The following METTL24 variants were observed in gnomAD, a reference collection of about 807,000 sequenced individuals.
The protein encoded by METTL24 is methyltransferase like 24.
Under a neutral mutation model 32.7 loss-of-function variants are expected in METTL24, and 29 were observed. The ratio of observed to expected loss-of-function variants is 0.89; its 90% CI spans 0.66 to 1.21. METTL24 has a LOEUF of 1.21. Among genes scored for constraint, METTL24 ranks in the 50% most tolerant of loss-of-function variants. The pLI is 0.00. For synonymous variants in METTL24, 163 were observed against 179.5 expected, an observed-to-expected ratio of 0.91 and a Z score of 0.73; for missense variants, 439 against 468.1, an observed-to-expected ratio of 0.94 and a Z score of 0.57.
chr6:110,321,441 C>T (rs1031973802), intron 2 of METTL24, among the ~76,000 whole-genome samples: 7 of 152,028 alleles, frequency 4.6e-5, no homozygotes, highest in Middle Eastern at 3.2e-3. Flanking sequence ...TTTATTTTGG[C>T]GAGTGAAGCC....
chr6:110,318,617 A>C (rs1771870753), intron 2 of METTL24, among the ~76,000 whole-genome samples: 1 of 147,570 alleles, frequency 6.8e-6, no homozygotes, highest in African/African-American at 2.5e-5. Context: ...GCGCCACTGC[A>C]CTTCAGCCTG....
intron 4 of METTL24, among the ~76,000 whole-genome samples, chr6:110,296,796 C>T (rs984412569): frequency 5.3e-5 from 8 of 152,122 alleles, no homozygotes; most frequent in Admixed American, 1.3e-4. Context: ...CATTTGTTAG[C>T]GTGTTTTTTA....
At chr6:110,350,759 C>CAATAA (rs1772580549) in intron 1 of METTL24, among the ~76,000 whole-genome samples, 1 of 66,950 alleles carries the variant, frequency 1.5e-5, no homozygotes, top group Non-Finnish European at 3.1e-5. Context: ...GACCCTGTCT[C>CAATAA]AACAAAATAA....
At chr6:110,336,454 T>G (rs538575261) in intron 1 of METTL24, among the ~76,000 whole-genome samples, 28 of 152,280 alleles carry the variant, frequency 1.8e-4, no homozygotes, top group African/African-American at 6.5e-4. Flanking sequence ...TAAAAGATGG[T>G]TATCAGCTGG....
intron 1 of METTL24, among the ~76,000 whole-genome samples, chr6:110,331,485 C>T (rs1772108826): frequency 6.6e-6 from 1 of 151,808 alleles, no homozygotes; most frequent in Non-Finnish European, 1.5e-5. Flanking sequence ...ATGGCGAGAC[C>T]CTGTCTCTAC....
intron 1 of METTL24, among the ~76,000 whole-genome samples, chr6:110,332,283 T>C (rs1048366212): frequency 1.8e-4 from 27 of 152,206 alleles, no homozygotes; most frequent in Admixed American, 1.8e-3. Flanking sequence ...TTGGAGTTTG[T>C]TCTTAAATTG....
chr6:110,289,175 C>T (rs1771276431), intron 4 of METTL24, among the ~76,000 whole-genome samples: 1 of 152,180 alleles, frequency 6.6e-6, no homozygotes. Context: ...AAACCAAAAA[C>T]CTTCTACTGA....
chr6:110,309,691 T>C (rs1771683305), intron 3 of METTL24, among the ~76,000 whole-genome samples: 1 of 152,146 alleles, frequency 6.6e-6, no homozygotes, highest in Admixed American at 6.6e-5. Flanking sequence ...TTATTCACTG[T>C]CACGAGAACA....
chr6:110,274,740 C>T (rs750783743), intron 4 of METTL24, among the ~76,000 whole-genome samples: 3 of 150,304 alleles, frequency 2.0e-5, no homozygotes, highest in Non-Finnish European at 3.0e-5. Flanking sequence ...GTAAAGGTCC[C>T]TCATGCCCAC....
chr6:110,297,929 TGAAGAG>T (rs1771449261), intron 4 of METTL24, among the ~76,000 whole-genome samples: 1 of 148,826 alleles, frequency 6.7e-6, no homozygotes, highest in Non-Finnish European at 1.5e-5. Flanking sequence ...GTTTAAAGGA[TGAAGAG>T]GAGGAGGAGG....
rs34193104 is a variant in METTL24, at chr6:110,274,772, C to CT, written c.786+24149dup. On this transcript the variant is annotated intron_variant, in intron 4 of 4. Coordinates refer to ENST00000338882, the MANE Select transcript of METTL24 (RefSeq NM_001123364.3). ...CCACCCACATTTTACATTTTGGTAGCTTTTTTTTTTTTTTTCCTTTTCGTT... is the reference window on the plus strand; with the variant it reads ...CCACCCACATTTTACATTTTGGTAGCTTTTTTTTTTTTTTTTCCTTTTCGTT... 9.9e-3 allele frequency among the ~76,000 whole-genome samples: 1,124 copies of CT among 113,458 alleles called. 7 individuals are homozygous for CT. Among genetic ancestry groups the CT allele is most frequent in the Middle Eastern group, 0.019 (4 of 216 alleles). 74.4% of individuals were successfully genotyped at this position (113,458 alleles called of 152,430 possible). A position where few individuals can be genotyped will look rare whatever the true frequency, so the allele number is the denominator to read the frequency against.
Position 110,298,993 on chromosome 6 carries a change from C to T in METTL24, c.715G>A (p.Val239Ile), listed in dbSNP as rs762926668. 7.4e-6 allele frequency: 12 copies of T among 1,614,060 alleles called. No homozygotes were observed. Among genetic ancestry groups the T allele is most frequent in the African/African-American group, 1.3e-5 (1 of 74,932 alleles). ...SIDWRDPHPA[V>I]AAQKPHSNTR... Reference sequence around the variant, plus strand: ...TTGCTATGTGGTTTTTGGGCAGCAACAGCTGGATGGGGATCCCGCCAGTCA... The same window carrying T: ...TTGCTATGTGGTTTTTGGGCAGCAATAGCTGGATGGGGATCCCGCCAGTCA... The change falls in exon 4 of 5, where the codon GTT (valine) becomes ATT (isoleucine). Residue 239 changes from valine to isoleucine, a missense_variant. Physicochemically the swap from Val to Ile is conservative, Grantham distance 29. Coordinates refer to ENST00000338882, the MANE Select transcript of METTL24 (RefSeq NM_001123364.3).
chr6:110,292,484 C>G (rs1462347465), intron 4 of METTL24, among the ~76,000 whole-genome samples: 1 of 151,660 alleles, frequency 6.6e-6, no homozygotes, highest in Non-Finnish European at 1.5e-5. Context: ...TTTTCATCAA[C>G]TATTTCTTCA....
rs921212621 is a variant in METTL24, at chr6:110,351,929, G to T, written c.318+6026C>A. On this transcript the variant is annotated intron_variant, in intron 1 of 4. Transcript: ENST00000338882. ...CTCCAATTCAGTGAGAAATCCCAAG[G>T]TTTCCCAATAAATTTAATTCTAAAA... is the stretch of plus-strand genomic sequence containing the variant. Among the ~76,000 whole-genome samples the T allele has an allele frequency of 1.3e-3, 199 of 152,204 alleles. 1 individual carries two copies. Among genetic ancestry groups the T allele is most frequent in the Non-Finnish European group, 4.0e-4 (27 of 68,014 alleles).
At chr6:110,268,516 T>C (rs1391867613) in intron 4 of METTL24, among the ~76,000 whole-genome samples, 2 of 152,218 alleles carry the variant, frequency 1.3e-5, no homozygotes, top group South Asian at 2.1e-4. Flanking sequence ...ACTTCCAGCA[T>C]GTGCATGGCC....
At chr6:110,287,764 A>G (rs1376803180) in intron 4 of METTL24, among the ~76,000 whole-genome samples, 3 of 152,212 alleles carry the variant, frequency 2.0e-5, no homozygotes, top group Admixed American at 6.5e-5. Flanking sequence ...TGTATCCTGT[A>G]TAGTTCCAGA....
At position 110,299,088 on chromosome 6, in the gene METTL24, C is replaced by A. The variant is rs774276178; in HGVS notation, c.620G>T (p.Arg207Leu). Residue 207 changes from arginine (R) to leucine (L), a missense_variant, in exon 4 of 5, where the codon CGT (arginine) becomes CTT (leucine). Physicochemically the swap from Arg to Leu is moderately radical, Grantham distance 102 (BLOSUM62 -2). Coordinates refer to ENST00000338882, the MANE Select transcript of METTL24 (RefSeq NM_001123364.3). Reference protein sequence around the residue: ...SMANNGCEVHRFDPSVKSAHI... With the variant: ...SMANNGCEVHLFDPSVKSAHI... ...AGCTGACTTGACACTAGGATCAAAA[C>A]GATGCACTTCACATCCGTTGTTGGC... 6.2e-7 allele frequency: 1 copy of A among 1,614,034 alleles called. No homozygotes were observed. The highest frequency in any genetic ancestry group is 1.3e-5 in the African/African-American group (1 of 74,926).
chr6:110,329,232 T>C (rs1316617531), intron 1 of METTL24, among the ~76,000 whole-genome samples: 1 of 152,164 alleles, frequency 6.6e-6, no homozygotes. Context: ...CTGGGAAAGA[T>C]GGCTAACCAT....
chr6:110,286,097 G>C (rs1035168466), intron 4 of METTL24, among the ~76,000 whole-genome samples: 2 of 152,132 alleles, frequency 1.3e-5, no homozygotes, highest in African/African-American at 2.4e-5. Context: ...CAGTGGCAAG[G>C]GTTCATATCA....
Sources: allele counts gnomAD v4.1 joint callset (sites outside exome capture counted in the v4.1 genomes callset), GRCh38; gene constraint gnomAD v4.1.1; transcripts MANE v1.5; gene names NCBI Gene and HGNC (gene_info 2026-07-23, HGNC 2026-07-21).